Variants in HTR4 observed in about 807,000 individuals in gnomAD.
HTR4 encodes 5-hydroxytryptamine (serotonin) receptor 4, G protein-coupled.
HTR4 carries 16 observed loss-of-function variants against 36.8 expected under a neutral mutation model. The observed-to-expected ratio is 0.43, with a 90% CI of 0.29 to 0.66. The LOEUF (loss-of-function observed/expected upper bound fraction) is 0.66, where lower values mean the gene tolerates loss of function less well. HTR4 is among the 30% of genes least tolerant of loss of function. HTR4 has a pLI of 0.13. For missense variants in HTR4, 438 were observed against 490.9 expected (o/e 0.89, Z 1.02); for synonymous variants, 189 against 185.1 (o/e 1.02, Z -0.17).
At chr5:148,638,017 A>G (rs1753607070) in intron 1 of HTR4, among the ~76,000 whole-genome samples, 1 of 146,036 alleles carries the variant, frequency 6.8e-6, no homozygotes, top group African/African-American at 2.6e-5. Flanking sequence ...TTCTAGTTGA[A>G]TCTTACCAAG....
rs765886319 is a variant in HTR4, at chr5:148,451,136, T to C, written c.*49A>G. The C allele has an allele frequency of 6.2e-6, 10 of 1,612,112 alleles. No individual in the cohort carries two copies. The East Asian group carries it at 1.8e-4, about 29-fold the overall frequency. On this transcript the variant is annotated 3_prime_UTR_variant, in exon 6 of 6. Transcript: ENST00000521530. ...AAGTGATGCCAGGGTGACCTGTTCA[T>C]GCAAACATGAATGCGAATGAATGGC...
At chr5:148,497,074 C>T (rs560998495) in intron 6 of HTR4, among the ~76,000 whole-genome samples, 3 of 152,272 alleles carry the variant, frequency 2.0e-5, no homozygotes, top group Admixed American at 6.5e-5. Flanking sequence ...AATTTATCTG[C>T]TCTTCTTCAG....
intron 6 of HTR4, among the ~76,000 whole-genome samples, chr5:148,488,284 G>T (rs62388962): frequency 0.29 from 44,242 of 152,028 alleles, 6,991 homozygotes; most frequent in Non-Finnish European, 0.36. Context: ...TGACAGCAAG[G>T]GGATTCAAAT....
intron 4 of HTR4, among the ~76,000 whole-genome samples, chr5:148,530,146 A>C (rs1758488274): frequency 6.6e-6 from 1 of 152,220 alleles, no homozygotes. Flanking sequence ...CTGACAATAA[A>C]ATAGAAAAGA....
intron 2 of HTR4, among the ~76,000 whole-genome samples, chr5:148,598,917 C>T (rs551028214): frequency 2.0e-5 from 3 of 151,844 alleles, no homozygotes; most frequent in Non-Finnish European, 4.4e-5. Context: ...CAGAATTTCA[C>T]AAGTAGATTT....
At chr5:148,463,266 G>A (rs1333230481) in intron 5 of HTR4, among the ~76,000 whole-genome samples, 2 of 130,246 alleles carry the variant, frequency 1.5e-5, no homozygotes, top group African/African-American at 5.9e-5. Context: ...TCCATCTCCC[G>A]GGTTCAAGCA....
intron 4 of HTR4, among the ~76,000 whole-genome samples, chr5:148,529,738 A>G (rs1392647275): frequency 6.6e-6 from 1 of 152,230 alleles, no homozygotes; most frequent in Admixed American, 6.5e-5. Context: ...TGGAGGACTC[A>G]GAAGAAGACA....
intron 5 of HTR4, among the ~76,000 whole-genome samples, chr5:148,455,073 CA>C (rs1755067061): frequency 6.6e-6 from 1 of 152,114 alleles, no homozygotes; most frequent in African/African-American, 2.4e-5. Flanking sequence ...GGATGTGTGC[CA>C]GGTACCATTT....
At chr5:148,639,587 C>T (rs879057505) in intron 1 of HTR4, among the ~76,000 whole-genome samples, 33 of 145,144 alleles carry the variant, frequency 2.3e-4, no homozygotes, top group Admixed American at 1.4e-4. Flanking sequence ...AATGTCTATC[C>T]TCTTTCTCTG....
intron 2 of HTR4, among the ~76,000 whole-genome samples, chr5:148,614,611 A>G (rs1011051225): frequency 2.0e-5 from 3 of 152,250 alleles, no homozygotes; most frequent in African/African-American, 7.2e-5. Context: ...CATTCAGGAC[A>G]TAGGCATGTG....
intron 2 of HTR4, among the ~76,000 whole-genome samples, chr5:148,590,287 C>CTTTTTTTTT (rs779077579): frequency 2.4e-4 from 8 of 33,320 alleles, no homozygotes; most frequent in Admixed American, 4.0e-4. Flanking sequence ...TTTTTCTTTT[C>CTTTTTTTTT]TTTTTTTTTT....
intron 2 of HTR4, among the ~76,000 whole-genome samples, chr5:148,555,721 C>T (rs984705756): frequency 3.3e-5 from 5 of 151,974 alleles, no homozygotes; most frequent in Admixed American, 6.6e-5. Flanking sequence ...TTGCTTTCTC[C>T]GTGATCTTTT....
chr5:148,494,897 G>A (rs557857072), intron 6 of HTR4, among the ~76,000 whole-genome samples: 42 of 152,274 alleles, frequency 2.8e-4, no homozygotes, highest in African/African-American at 3.9e-4. Flanking sequence ...TACCCTATTG[G>A]ACAACACAGA....
At chr5:148,452,951 G>A (rs570325469) in intron 5 of HTR4, among the ~76,000 whole-genome samples, 3 of 152,318 alleles carry the variant, frequency 2.0e-5, no homozygotes, top group East Asian at 1.9e-4. Flanking sequence ...CATGCCTTGC[G>A]TACTTGGCTT....
At chr5:148,542,959 AGT>A (rs1369915889) in intron 4 of HTR4, among the ~76,000 whole-genome samples, 1 of 152,136 alleles carries the variant, frequency 6.6e-6, no homozygotes, top group African/African-American at 2.4e-5. Context: ...TAAAGCTGGG[AGT>A]CATGGTGCCT....
intron 5 of HTR4, among the ~76,000 whole-genome samples, chr5:148,456,703 A>G (rs557156071): frequency 2.6e-5 from 4 of 152,368 alleles, no homozygotes; most frequent in African/African-American, 9.6e-5. Flanking sequence ...GCTCAAAGAA[A>G]TAAATAAATC....
At chr5:148,610,407 G>A (rs1055170902) in intron 2 of HTR4, among the ~76,000 whole-genome samples, 11 of 152,190 alleles carry the variant, frequency 7.2e-5, no homozygotes, top group South Asian at 4.1e-4. Flanking sequence ...GCACCCTCCA[G>A]CAGGGGCACA....
intron 2 of HTR4, among the ~76,000 whole-genome samples, chr5:148,614,021 G>A (rs1443499230): frequency 7.3e-5 from 11 of 150,918 alleles, no homozygotes; most frequent in African/African-American, 2.7e-4. Context: ...GCTGCTCAAG[G>A]AAATAAAAGA....
chr5:148,609,000 A>G (rs1251483919), intron 2 of HTR4, among the ~76,000 whole-genome samples: 1 of 152,160 alleles, frequency 6.6e-6, no homozygotes, highest in Non-Finnish European at 1.5e-5. Flanking sequence ...CAGACAAGGG[A>G]CTGGTTCATC....
Sources: allele counts gnomAD v4.1 joint callset (sites outside exome capture counted in the v4.1 genomes callset), GRCh38; gene constraint gnomAD v4.1.1; transcripts MANE v1.5; gene names NCBI Gene and HGNC (gene_info 2026-07-23, HGNC 2026-07-21).